Variants in RFX7 observed in about 807,000 individuals in gnomAD.
RFX7 encodes the protein regulatory factor X7.
In RFX7, 26 loss-of-function variants were observed where a neutral mutation model predicts 111.8. The observed-to-expected ratio is 0.23, with a 90% CI of 0.17 to 0.32. The LOEUF is 0.32. Among genes scored for constraint, RFX7 ranks in the 10% least tolerant of loss-of-function variants. The pLI is 1.00. For synonymous variants in RFX7, 624 were observed against 624.4 expected, an observed-to-expected ratio of 1.00 and a Z score of 0.01; for missense variants, 1,573 against 1,772.9, an observed-to-expected ratio of 0.89 and a Z score of 2.02.
At chr15:56,200,365 A>C (rs181697312) in intron 2 of RFX7, among the ~76,000 whole-genome samples, 6 of 152,180 alleles carry the variant, frequency 3.9e-5, no homozygotes, top group Non-Finnish European at 8.8e-5. Context: ...GTTATTGTTT[A>C]AGTTTTTATA....
Position 56,184,193 on chromosome 15 carries a change from A to ATTTTTTTT in RFX7, c.162-4898_162-4891dup, listed in dbSNP as rs35880948. On this transcript the variant is annotated intron_variant, in intron 2 of 9. Transcript: ENST00000559447. ...TGCCACCACACCTGGCTAATTTTGT[A>ATTTTTTTT]TTTTTTTTTTTTTTTTTTTTTTTTT... Among the ~76,000 whole-genome samples the ATTTTTTTT allele has an allele frequency of 4.4e-3, 356 of 80,244 alleles. 2 individuals carry two copies. Among genetic ancestry groups the ATTTTTTTT allele is most frequent in the Middle Eastern group, 0.017 (2 of 116 alleles). 52.6% of individuals were successfully genotyped at this position (80,244 alleles called of 152,430 possible).
At position 56,150,768 on chromosome 15, in the gene RFX7, T is replaced by C. The variant is rs113780599; in HGVS notation, c.196-6285A>G. Among the ~76,000 whole-genome samples, 649 of 151,852 alleles carry C rather than the reference T, an allele frequency of 4.3e-3. 9 individuals carry two copies. Among genetic ancestry groups the C allele is most frequent in the Admixed American group, 5.6e-3 (85 of 15,274 alleles). ...AGAAGGTGGGTAATAACGAACAACT[T>C]TGAGCTAAAGCACCAGGTTCTAACC... is the stretch of plus-strand genomic sequence containing the variant. On this transcript the variant is annotated intron_variant, in intron 3 of 9. Coordinates refer to ENST00000559447, the MANE Select transcript of RFX7 (RefSeq NM_022841.7).
intron 2 of RFX7, among the ~76,000 whole-genome samples, chr15:56,196,774 G>A (rs1212138426): frequency 2.6e-5 from 4 of 152,142 alleles, no homozygotes; most frequent in Non-Finnish European, 5.9e-5. Context: ...AATATGCACG[G>A]TATTCCATTG....
intron 2 of RFX7, among the ~76,000 whole-genome samples, chr15:56,184,998 T>C (rs1241387748): frequency 6.6e-6 from 1 of 152,202 alleles, no homozygotes; most frequent in Non-Finnish European, 1.5e-5. Context: ...TCAGTTTTTA[T>C]TTTTTGTTTT....
At chr15:56,112,452 A>G (rs1385816480) in intron 5 of RFX7, among the ~76,000 whole-genome samples, 2 of 151,332 alleles carry the variant, frequency 1.3e-5, no homozygotes, top group African/African-American at 2.4e-5. Context: ...CGCTAGCCAT[A>G]TGCAGAAAAC....
intron 4 of RFX7, among the ~76,000 whole-genome samples, chr15:56,143,114 C>T (rs1334376554): frequency 6.6e-6 from 1 of 152,076 alleles, no homozygotes; most frequent in East Asian, 1.9e-4. Flanking sequence ...CTCCATCCCT[C>T]CCCATGCAGG....
intron 2 of RFX7, among the ~76,000 whole-genome samples, chr15:56,209,407 C>T (rs920982305): frequency 6.6e-6 from 1 of 151,924 alleles, no homozygotes; most frequent in Non-Finnish European, 1.5e-5. Flanking sequence ...GTAGACTTGC[C>T]TTGCAAGAAC....
At chr15:56,145,371 G>C (rs1300090508) in intron 3 of RFX7, among the ~76,000 whole-genome samples, 1 of 152,158 alleles carries the variant, frequency 6.6e-6, no homozygotes, top group Non-Finnish European at 1.5e-5. Flanking sequence ...TTTAAACAGA[G>C]ATTCAGTTTT....
rs78414713 is a variant in RFX7 at position 56,098,181 on chromosome 15, G to A, written c.1007C>T (p.Ala336Val). The change falls in exon 9 of 10, where the codon GCT (alanine) becomes GTT (valine). Residue 336 changes from alanine to valine, a missense_variant. Coordinates refer to ENST00000559447, the MANE Select transcript of RFX7 (RefSeq NM_022841.7). ...AAGATTAGTCACTCCATTGCTTGTA[G>A]CACTTTCTGACTTTTTTGCTGCAGA... Reference protein sequence around the residue: ...GESAAKKSESATSNGVTNLPN... With the variant: ...GESAAKKSESVTSNGVTNLPN... The A allele has an allele frequency of 5.2e-4, 840 of 1,613,922 alleles. 17 individuals are homozygous for A. In the East Asian group the frequency reaches 0.018, roughly 35 times the overall value.
chr15:56,120,950 G>A (rs1385315742), intron 5 of RFX7, among the ~76,000 whole-genome samples: 1 of 152,080 alleles, frequency 6.6e-6, no homozygotes, highest in Non-Finnish European at 1.5e-5. Flanking sequence ...ATTGTACTAT[G>A]ACTTGAAAAG....
chr15:56,133,744 T>C (rs1310315081), intron 5 of RFX7, among the ~76,000 whole-genome samples: 1 of 152,182 alleles, frequency 6.6e-6, no homozygotes, highest in Non-Finnish European at 1.5e-5. Flanking sequence ...GATCTACATT[T>C]TGCCTTTCTG....
rs1363294353 is a variant in RFX7, at chr15:56,107,467, T to C, written c.402-3797A>G. On this transcript the variant is annotated intron_variant, in intron 5 of 9. Transcript: ENST00000559447. ...ATTCAGTCTTTAATATTCATTCATG[T>C]CACAAATTTAATTGTACAAGTTAAA... Among the ~76,000 whole-genome samples the C allele has an allele frequency of 1.3e-5, 2 of 152,180 alleles. 1 individual carries two copies. The highest frequency in any genetic ancestry group is 4.2e-4 in the South Asian group (2 of 4,818).
chr15:56,228,325 T>A (rs1170788213), intron 2 of RFX7, among the ~76,000 whole-genome samples: 2 of 152,204 alleles, frequency 1.3e-5, no homozygotes, highest in Non-Finnish European at 2.9e-5. Context: ...ATTCCCATTA[T>A]GCTTATGTTA....
At chr15:56,147,182 T>C (rs1429760261) in intron 3 of RFX7, among the ~76,000 whole-genome samples, 7 of 152,242 alleles carry the variant, frequency 4.6e-5, no homozygotes, top group Non-Finnish European at 8.8e-5. Flanking sequence ...AAATAAATCA[T>C]AATGGTATTC....
chr15:56,212,898 T>C (rs1168146695), intron 2 of RFX7, among the ~76,000 whole-genome samples: 4 of 152,066 alleles, frequency 2.6e-5, no homozygotes, highest in Non-Finnish European at 5.9e-5. Flanking sequence ...GTATAAATGG[T>C]AAACAACACA....
At chr15:56,136,082 T>C (rs1316355198) in intron 5 of RFX7, among the ~76,000 whole-genome samples, 5 of 152,194 alleles carry the variant, frequency 3.3e-5, no homozygotes, top group Non-Finnish European at 5.9e-5. Flanking sequence ...TGGATTAGGA[T>C]TGACTTGGCG....
chr15:56,164,666 A>T (rs1270641218), intron 3 of RFX7, among the ~76,000 whole-genome samples: 1 of 152,172 alleles, frequency 6.6e-6, no homozygotes, highest in African/African-American at 2.4e-5. Context: ...TAACTATGCT[A>T]AAATTGGATT....
At chr15:56,158,362 T>C (rs1232249627) in intron 3 of RFX7, among the ~76,000 whole-genome samples, 1 of 152,232 alleles carries the variant, frequency 6.6e-6, no homozygotes, top group Non-Finnish European at 1.5e-5. Flanking sequence ...GGTAGTGTTA[T>C]GTAAATGTTA....
At chr15:56,179,174 T>G in intron 3 of RFX7, 96 bp downstream of exon 3, 1 of 560,930 alleles carries the variant, frequency 1.8e-6, no homozygotes, top group Non-Finnish European at 2.8e-6. Flanking sequence ...GGAGTTAGAT[T>G]ATATTTAAAA....
Sources: allele counts gnomAD v4.1 joint callset (sites outside exome capture counted in the v4.1 genomes callset), GRCh38; gene constraint gnomAD v4.1.1; transcripts MANE v1.5; gene names NCBI Gene and HGNC (gene_info 2026-07-23, HGNC 2026-07-21).